CDK13: variants seen among roughly 807,000 people sequenced by gnomAD.
CDK13 encodes cyclin-dependent kinase 13.
In CDK13, 40 loss-of-function variants were observed where a neutral mutation model predicts 137.6. The observed-to-expected ratio is 0.29, with a 90% confidence interval of 0.23 to 0.38. The LOEUF is 0.38. CDK13 is among the 10% of genes least tolerant of loss of function. The probability of loss-of-function intolerance (pLI) is 1.00; values close to 1 mark genes in which losing one functional copy is unlikely to be tolerated. For synonymous variants in CDK13, 869 were observed against 760.1 expected (o/e 1.14, Z -2.36); for missense variants, 1,704 against 1,951.8 (o/e 0.87, Z 2.39).
chr7:40,030,373 A>C (rs1179893196), intron 5 of CDK13, among the ~76,000 whole-genome samples: 1 of 151,440 alleles, frequency 6.6e-6, no homozygotes, highest in Non-Finnish European at 1.5e-5. Context: ...TTCTGCTTTA[A>C]AAGTCCAGTG....
intron 5 of CDK13, among the ~76,000 whole-genome samples, chr7:40,006,235 G>T (rs1784793588): frequency 6.6e-6 from 1 of 152,140 alleles, no homozygotes; most frequent in Non-Finnish European, 1.5e-5. Context: ...TAGGTACTCA[G>T]TTTCTTCATG....
intron 1 of CDK13, among the ~76,000 whole-genome samples, chr7:39,965,519 G>A (rs1038686749): frequency 6.6e-6 from 1 of 152,102 alleles, no homozygotes; most frequent in African/African-American, 2.4e-5. Flanking sequence ...GTCTCTGCAC[G>A]TGAGATGGGT....
intron 11 of CDK13, among the ~76,000 whole-genome samples, chr7:40,081,934 A>AG (rs1337677317): frequency 2.0e-5 from 3 of 152,200 alleles, no homozygotes; most frequent in Non-Finnish European, 4.4e-5. Flanking sequence ...TTTTAAATAA[A>AG]GAAAAAATTA....
At chr7:39,971,950 T>C (rs1784008901) in intron 1 of CDK13, among the ~76,000 whole-genome samples, 1 of 152,274 alleles carries the variant, frequency 6.6e-6, no homozygotes, top group Admixed American at 6.5e-5. Flanking sequence ...TCTGTTGATA[T>C]TAATAAGGTC....
At chr7:40,069,533 T>C (rs1328642742) in intron 9 of CDK13, 1 of 303,742 alleles carries the variant, frequency 3.3e-6, no homozygotes, top group Non-Finnish European at 6.7e-6. Context: ...TAAATGTAAA[T>C]AAGTTTTCAG....
At chr7:40,020,960 G>C (rs183243531) in intron 5 of CDK13, among the ~76,000 whole-genome samples, 12 of 152,130 alleles carry the variant, frequency 7.9e-5, no homozygotes, top group African/African-American at 2.9e-4. Flanking sequence ...GCGTGGTAGT[G>C]GGTGCCTGTA....
At chr7:40,036,993 A>G (rs899058240) in intron 5 of CDK13, among the ~76,000 whole-genome samples, 2 of 152,192 alleles carry the variant, frequency 1.3e-5, no homozygotes, top group Non-Finnish European at 2.9e-5. Flanking sequence ...TTTAAGTCTC[A>G]TAATTTATAG....
intron 1 of CDK13, chr7:39,984,924 C>T (rs11771104): frequency 0.35 from 52,757 of 151,182 alleles, 10,328 homozygotes; most frequent in East Asian, 0.51. Flanking sequence ...CGCTTGAACC[C>T]GGTAGGCAAA....
In CDK13 at chr7:40,066,338, C is replaced by T. The variant is rs557705261; in HGVS notation, c.2780+3238C>T. ...AGTACAAGCTTTCTTATTCAGTCTT[C>T]TCTTGAAGAGTCTTATTAGATTAAT... On this transcript the variant is annotated intron_variant, in intron 9 of 13. Coordinates refer to ENST00000181839, the MANE Select transcript of CDK13 (RefSeq NM_003718.5). 2.0e-4 allele frequency among the ~76,000 whole-genome samples: 31 copies of T among 152,318 alleles called. No individual in the cohort carries two copies. The East Asian group carries it at 5.4e-3, about 27-fold the overall frequency.
intron 5 of CDK13, among the ~76,000 whole-genome samples, chr7:40,035,310 A>C (rs1325160987): frequency 1.3e-5 from 2 of 152,164 alleles, no homozygotes; most frequent in African/African-American, 4.8e-5. Context: ...ACATCGCCTT[A>C]AACCAGGGTT....
intron 7 of CDK13, among the ~76,000 whole-genome samples, chr7:40,050,808 T>C (rs940417320): frequency 3.3e-5 from 5 of 152,234 alleles, no homozygotes; most frequent in African/African-American, 1.2e-4. Context: ...TTTTGCTTAA[T>C]ATAAGTTTGT....
intron 11 of CDK13, among the ~76,000 whole-genome samples, chr7:40,080,933 T>C (rs1182647366): frequency 6.6e-6 from 1 of 152,190 alleles, no homozygotes; most frequent in Non-Finnish European, 1.5e-5. Flanking sequence ...AAATTTAACA[T>C]GAGAATATTT....
chr7:40,083,914 A>G (rs1011335537), intron 11 of CDK13, among the ~76,000 whole-genome samples: 7 of 150,980 alleles, frequency 4.6e-5, no homozygotes, highest in African/African-American at 1.7e-4. Context: ...ATGAGTAGTT[A>G]AAATTATGCA....
Position 40,046,242 on chromosome 7 carries a change from A to G in CDK13, c.2543+217A>G, listed in dbSNP as rs9639818. ...ATACCCATGTCACCAACAAACACAT[A>G]TACCCCCGAATCTAAAATTTTTAAA... On this transcript the variant is annotated intron_variant, in intron 6 of 13. Transcript: ENST00000181839. Among the ~76,000 whole-genome samples, 82,400 of 152,012 alleles carry G rather than the reference A, an allele frequency of 0.54. 24,333 individuals are homozygous for G. The highest frequency in any genetic ancestry group is 0.79 in the African/African-American group (32,718 of 41,462).
intron 1 of CDK13, among the ~76,000 whole-genome samples, chr7:39,957,810 CTG>C (rs1787466447): frequency 6.6e-6 from 1 of 152,156 alleles, no homozygotes; most frequent in African/African-American, 2.4e-5. Flanking sequence ...TTTCCCAACT[CTG>C]AAAAATTGTA....
At chr7:40,017,112 T>A (rs906410028) in intron 5 of CDK13, among the ~76,000 whole-genome samples, 18 of 152,158 alleles carry the variant, frequency 1.2e-4, no homozygotes, top group African/African-American at 4.3e-4. Flanking sequence ...TAGATATTTT[T>A]ATATGCCATG....
intron 1 of CDK13, among the ~76,000 whole-genome samples, chr7:39,957,553 ACT>A (rs1269946396): frequency 6.6e-6 from 1 of 152,140 alleles, no homozygotes; most frequent in Non-Finnish European, 1.5e-5. Flanking sequence ...GTTTACATAC[ACT>A]CTCATACTCT....
In CDK13 at chr7:39,951,256, C is replaced by T. The variant is rs1162426784; in HGVS notation, c.615C>T (p.Ser205=). The part of the protein sequence containing the change: ...ERRPRRDRRS[S]SGRSKERHRE... ...GGCCCCGCCGGGACCGCCGCAGCAG[C>T]AGTGGCCGCAGCAAGGAGCGCCACC... The change falls in exon 1 of 14, where the codon AGC becomes AGT. Residue 205 remains serine, a synonymous_variant. Transcript: ENST00000181839. The T allele has an allele frequency of 2.3e-6, 3 of 1,327,624 alleles. No homozygotes were observed. Among genetic ancestry groups the T allele is most frequent in the East Asian group, 3.1e-5 (1 of 32,054 alleles). The allele number at this position is 1,327,624 out of a possible 1,614,324, so 82.2% of individuals were successfully genotyped here.
chr7:40,023,429 A>G (rs1267421364), intron 5 of CDK13, among the ~76,000 whole-genome samples: 1 of 151,748 alleles, frequency 6.6e-6, no homozygotes, highest in Non-Finnish European at 1.5e-5. Context: ...TGAGACTTTG[A>G]TCGGGAAGTT....
Sources: allele counts gnomAD v4.1 joint callset (sites outside exome capture counted in the v4.1 genomes callset), GRCh38; gene constraint gnomAD v4.1.1; transcripts MANE v1.5; gene names NCBI Gene and HGNC (gene_info 2026-07-23, HGNC 2026-07-21).